USP12: variants seen among roughly 807,000 people sequenced by gnomAD.
USP12 encodes ubiquitin carboxyl-terminal hydrolase 12.
A neutral mutation model predicts 45.5 loss-of-function variants in USP12; 19 were observed. The ratio of observed to expected loss-of-function variants is 0.42; its 90% CI spans 0.29 to 0.61. The LOEUF is 0.61. Ranked by LOEUF, USP12 falls within the 20% of genes least tolerant of loss-of-function variation. The pLI, the probability that USP12 is intolerant of heterozygous loss-of-function variation, is 0.22. For synonymous variants in USP12, 149 were observed against 148.8 expected, an observed-to-expected ratio of 1.00 and a Z score of -0.01; for missense variants, 242 against 447.7, an observed-to-expected ratio of 0.54 and a Z score of 4.15.
intron 2 of USP12, among the ~76,000 whole-genome samples, chr13:27,107,267 G>A (rs185748433): frequency 6.6e-6 from 1 of 152,324 alleles, no homozygotes; most frequent in Admixed American, 6.5e-5. Flanking sequence ...GGAGGCTGCA[G>A]TGAGCCAAGA....
Position 27,150,985 on chromosome 13 carries a change from G to A in USP12, c.48+20607C>T, listed in dbSNP as rs190708186. On this transcript the variant is annotated intron_variant, in intron 1 of 8. Coordinates refer to ENST00000282344, the MANE Select transcript of USP12 (RefSeq NM_182488.4). The stretch of plus-strand genomic sequence containing the variant: ...CTGGATTTGGCAAAGGATTGACACA[G>A]GATTTGGCAAAGGATTATAAAATAT... Among the ~76,000 whole-genome samples, 672 of 152,082 alleles carry A rather than the reference G, an allele frequency of 4.4e-3. 10 individuals are homozygous for A. The highest frequency in any genetic ancestry group is 0.015 in the African/African-American group (643 of 41,492).
intron 6 of USP12, among the ~76,000 whole-genome samples, chr13:27,086,189 A>AT (rs1378446137): frequency 0.024 from 1,959 of 81,524 alleles, 20 homozygotes; most frequent in East Asian, 0.059. Context: ...AAAAAAAAAA[A>AT]AAAAAAAAAT....
chr13:27,140,367 A>G (rs1214873210), intron 1 of USP12, among the ~76,000 whole-genome samples: 5 of 152,254 alleles, frequency 3.3e-5, no homozygotes, highest in Non-Finnish European at 5.9e-5. Context: ...TTCATTTTCA[A>G]TTCAGCACAG....
At chr13:27,125,731 G>A (rs1316574938) in intron 1 of USP12, among the ~76,000 whole-genome samples, 6 of 152,222 alleles carry the variant, frequency 3.9e-5, no homozygotes. Context: ...ACTGTACCTG[G>A]AGGAAGGGTA....
rs1876402253 is a variant in USP12 at position 27,129,660 on chromosome 13, C to T, written c.49-13064G>A. Reference sequence around the variant, plus strand: ...GTTCGAGGCTGCAGTGAACTATGACCTGGGCGACAGAGTGAGACCCTATCT... The same window carrying T: ...GTTCGAGGCTGCAGTGAACTATGACTTGGGCGACAGAGTGAGACCCTATCT... On this transcript the variant is annotated intron_variant, in intron 1 of 8. Coordinates refer to ENST00000282344, the MANE Select transcript of USP12 (RefSeq NM_182488.4). This position sits in a 1 kb window ranked among gnomAD's most constrained non-coding sequence, Gnocchi z 4.0. Among the ~76,000 whole-genome samples the T allele has an allele frequency of 6.6e-6, 1 of 152,164 alleles. No homozygotes were observed. The highest frequency in any genetic ancestry group is 6.5e-5 in the Admixed American group (1 of 15,280).
At chr13:27,132,657 G>A (rs755714636) in intron 1 of USP12, among the ~76,000 whole-genome samples, 7 of 152,182 alleles carry the variant, frequency 4.6e-5, no homozygotes, top group African/African-American at 7.2e-5. Context: ...CTAAAAGATC[G>A]TTGGTTTCAA....
rs770316652 is a variant in USP12 at position 27,105,828 on chromosome 13, T to C, written c.246A>G (p.Thr82=). 4 of 1,613,770 alleles carry C rather than the reference T, an allele frequency of 2.5e-6. No individual in the cohort carries two copies. The highest frequency in any genetic ancestry group is 1.7e-6 in the Non-Finnish European group (2 of 1,179,824). ...TGCTATGGAAGAGATCTGCTAAGCATGTAAGAAGGCTCTCCTTTTTCCTAG... is the reference window on the plus strand; with the variant it reads ...TGCTATGGAAGAGATCTGCTAAGCACGTAAGAAGGCTCTCCTTTTTCCTAG... ...SQPRKKESLL[T]CLADLFHSIA... The change falls in exon 3 of 9, where the codon ACA becomes ACG. Residue 82 remains threonine (T), a synonymous_variant. Coordinates refer to ENST00000282344, the MANE Select transcript of USP12 (RefSeq NM_182488.4).
intron 6 of USP12, 77 bp from the exon 7 acceptor site, chr13:27,075,465 T>C (rs1565981070): frequency 2.3e-6 from 3 of 1,293,646 alleles, no homozygotes; most frequent in Non-Finnish European, 2.1e-6. Flanking sequence ...CTTTACGATA[T>C]CCAATGAACA....
At chr13:27,115,332 A>G (rs1161103312) in intron 2 of USP12, among the ~76,000 whole-genome samples, 1 of 152,170 alleles carries the variant, frequency 6.6e-6, no homozygotes, top group African/African-American at 2.4e-5. Flanking sequence ...GAGAGAGAGA[A>G]AGGTAAGGGA....
At chr13:27,105,199 G>A (rs1028858986) in intron 3 of USP12, among the ~76,000 whole-genome samples, 4 of 152,124 alleles carry the variant, frequency 2.6e-5, no homozygotes, top group Admixed American at 1.3e-4. Flanking sequence ...ATTTTAAAAA[G>A]GGGTTGGGGG....
chr13:27,160,148 A>C (rs1000291989), intron 1 of USP12, among the ~76,000 whole-genome samples: 1 of 152,202 alleles, frequency 6.6e-6, no homozygotes, highest in African/African-American at 2.4e-5. Context: ...GAAAGAAACT[A>C]AACAGAGAAC....
chr13:27,100,057 C>A (rs753270462), intron 3 of USP12, among the ~76,000 whole-genome samples: 1 of 152,176 alleles, frequency 6.6e-6, no homozygotes, highest in Non-Finnish European at 1.5e-5. Flanking sequence ...ACTGAGACAG[C>A]CTGCAACTCA....
intron 1 of USP12, among the ~76,000 whole-genome samples, chr13:27,124,112 A>T (rs1478247475): frequency 6.6e-6 from 1 of 152,252 alleles, no homozygotes; most frequent in African/African-American, 2.4e-5. Context: ...ATTTTTACAT[A>T]GTCAATCATG....
chr13:27,111,950 G>A (rs1875468134), intron 2 of USP12, among the ~76,000 whole-genome samples: 1 of 152,094 alleles, frequency 6.6e-6, no homozygotes, highest in African/African-American at 2.4e-5. Flanking sequence ...TAGGTGCAAG[G>A]GAATGAGAGT....
intron 1 of USP12, among the ~76,000 whole-genome samples, chr13:27,145,437 T>C (rs1248599608): frequency 6.6e-6 from 1 of 152,184 alleles, no homozygotes; most frequent in East Asian, 1.9e-4. Context: ...TCTTTAGAAA[T>C]CAATCAGTTA....
At chr13:27,169,983 G>C (rs2053917313) in intron 1 of USP12, 1 of 216,978 alleles carries the variant, frequency 4.6e-6, no homozygotes, top group Admixed American at 5.8e-5. Context: ...AATGTGTGTA[G>C]CTCAGCCATG....
chr13:27,168,057 C>T (rs966757155), intron 1 of USP12, among the ~76,000 whole-genome samples: 1 of 152,224 alleles, frequency 6.6e-6, no homozygotes, highest in Non-Finnish European at 1.5e-5. Flanking sequence ...GTTTACCATG[C>T]TCAGGGTGCT....
intron 1 of USP12, among the ~76,000 whole-genome samples, chr13:27,168,772 T>C (rs1036566215): frequency 2.6e-5 from 4 of 152,210 alleles, no homozygotes; most frequent in African/African-American, 9.6e-5. Flanking sequence ...ACAACACTAG[T>C]GATCTAAAAT....
intron 7 of USP12, among the ~76,000 whole-genome samples, chr13:27,073,699 G>C (rs1234563177): frequency 1.3e-5 from 2 of 152,164 alleles, no homozygotes; most frequent in African/African-American, 4.8e-5. Flanking sequence ...ATGTGAGAAG[G>C]TAATATTACA....
Sources: allele counts gnomAD v4.1 joint callset (sites outside exome capture counted in the v4.1 genomes callset), GRCh38; gene constraint gnomAD v4.1.1; non-coding constraint Gnocchi (gnomAD v3.1); transcripts MANE v1.5; gene names NCBI Gene and HGNC (gene_info 2026-07-23, HGNC 2026-07-21).